Variants in KCNH5 observed in about 807,000 individuals in gnomAD.
KCNH5 encodes the protein potassium voltage-gated channel subfamily H member 5, also known as voltage-gated delayed rectifier potassium channel KCNH5.
A neutral mutation model predicts 96.1 loss-of-function variants in KCNH5; 46 were observed. The observed-to-expected ratio is 0.48, with a 90% CI of 0.38 to 0.61. The LOEUF is 0.61. Among genes scored for constraint, KCNH5 ranks in the 20% least tolerant of loss-of-function variants. The pLI is 0.00. For synonymous variants in KCNH5, 439 were observed against 449.8 expected, an observed-to-expected ratio of 0.98 and a Z score of 0.30; for missense variants, 907 against 1,225.8, an observed-to-expected ratio of 0.74 and a Z score of 3.88.
At chr14:62,781,701 T>C (rs1346644984) in intron 9 of KCNH5, among the ~76,000 whole-genome samples, 1 of 152,158 alleles carries the variant, frequency 6.6e-6, no homozygotes, top group African/African-American at 2.4e-5. Flanking sequence ...GAGGTCAGAG[T>C]TTAAGGTTAT....
chr14:62,762,838 C>T (rs1236333323), intron 10 of KCNH5, among the ~76,000 whole-genome samples: 2 of 151,762 alleles, frequency 1.3e-5, no homozygotes, highest in African/African-American at 2.4e-5. Context: ...AACAAGAAGA[C>T]ATAACTATCC....
chr14:63,021,375 A>T (rs1891423621), intron 1 of KCNH5, among the ~76,000 whole-genome samples: 1 of 152,140 alleles, frequency 6.6e-6, no homozygotes, highest in Non-Finnish European at 1.5e-5. Context: ...TTGTTCCTAA[A>T]GTCTATACTA....
chr14:62,888,755 G>A (rs1888646963), intron 7 of KCNH5, among the ~76,000 whole-genome samples: 2 of 152,094 alleles, frequency 1.3e-5, no homozygotes, highest in Non-Finnish European at 2.9e-5. Flanking sequence ...TAGGATTGCA[G>A]AAAGCCTGTC....
chr14:62,889,017 G>A (rs1888651823), intron 7 of KCNH5, among the ~76,000 whole-genome samples: 2 of 152,166 alleles, frequency 1.3e-5, no homozygotes, highest in African/African-American at 4.8e-5. Context: ...ATATTCTAAT[G>A]GGTGATAACA....
intron 10 of KCNH5, among the ~76,000 whole-genome samples, chr14:62,708,681 T>C (rs1884498346): frequency 1.3e-5 from 2 of 152,140 alleles, no homozygotes; most frequent in South Asian, 4.1e-4. Flanking sequence ...GCTACTTACT[T>C]ACTTAGTTCT....
chr14:62,772,725 T>C (rs936870819), intron 10 of KCNH5, among the ~76,000 whole-genome samples: 1 of 152,070 alleles, frequency 6.6e-6, no homozygotes, highest in African/African-American at 2.4e-5. Flanking sequence ...TACAGCAGTA[T>C]TGACATGTTA....
chr14:62,713,375 A>T (rs1884614548), intron 10 of KCNH5, among the ~76,000 whole-genome samples: 1 of 152,190 alleles, frequency 6.6e-6, no homozygotes, highest in African/African-American at 2.4e-5. Flanking sequence ...AACCTACCCA[A>T]CTACTGAGCA....
chr14:62,830,994 T>A (rs1465965415), intron 8 of KCNH5, among the ~76,000 whole-genome samples: 2 of 152,112 alleles, frequency 1.3e-5, no homozygotes, highest in Non-Finnish European at 2.9e-5. Context: ...TCCCCAGAAG[T>A]GTGGCCTTCC....
intron 7 of KCNH5, among the ~76,000 whole-genome samples, chr14:62,865,663 G>T (rs1888121124): frequency 6.6e-6 from 1 of 152,146 alleles, no homozygotes; most frequent in Admixed American, 6.5e-5. Context: ...CCTTTATGTT[G>T]ACTGGTTCCT....
chr14:62,969,659 A>G (rs1048670498), intron 6 of KCNH5, among the ~76,000 whole-genome samples: 2 of 151,660 alleles, frequency 1.3e-5, no homozygotes, highest in African/African-American at 4.8e-5. Context: ...TACCTAGGTG[A>G]TGGATTGATT....
intron 7 of KCNH5, among the ~76,000 whole-genome samples, chr14:62,916,976 G>C (rs1889287550): frequency 6.6e-6 from 1 of 152,216 alleles, no homozygotes; most frequent in African/African-American, 2.4e-5. Flanking sequence ...TAGAATTCAT[G>C]TGGGAGCTAA....
At position 62,846,539 on chromosome 14, in the gene KCNH5, C is replaced by A. The variant is rs1451112368; in HGVS notation, c.1569+3114G>T. On this transcript the variant is annotated intron_variant, in intron 8 of 10. Coordinates refer to ENST00000322893, the MANE Select transcript of KCNH5 (RefSeq NM_139318.5). ...TTTTTGCATTTAATTCTCAGTTTTT[C>A]TGATATTTATGTTAGGTCATGAGTG... 2.0e-5 allele frequency among the ~76,000 whole-genome samples: 3 copies of A among 151,496 alleles called. No homozygotes were observed. In the East Asian group the frequency reaches 5.8e-4, roughly 29 times the overall value.
chr14:62,733,053 T>C (rs564129246), intron 10 of KCNH5, among the ~76,000 whole-genome samples: 21 of 152,210 alleles, frequency 1.4e-4, no homozygotes, highest in Non-Finnish European at 1.9e-4. Flanking sequence ...ATTACTTACA[T>C]AGGAAAACCA....
At chr14:63,028,868 T>C (rs1444086178) in intron 1 of KCNH5, among the ~76,000 whole-genome samples, 1 of 152,160 alleles carries the variant, frequency 6.6e-6, no homozygotes, top group African/African-American at 2.4e-5. Flanking sequence ...TACCCTAAAG[T>C]ATTTGCTCAC....
chr14:62,796,384 ATTAAG>A (rs1472363933), intron 9 of KCNH5, among the ~76,000 whole-genome samples: 1 of 152,168 alleles, frequency 6.6e-6, no homozygotes, highest in Non-Finnish European at 1.5e-5. Context: ...TCTCTTTCGT[ATTAAG>A]TTGATTTAAT....
At chr14:62,957,053 C>T (rs1440419717) in intron 6 of KCNH5, among the ~76,000 whole-genome samples, 1 of 152,168 alleles carries the variant, frequency 6.6e-6, no homozygotes, top group Non-Finnish European at 1.5e-5. Flanking sequence ...CAGAACACAA[C>T]AGGGTGAATG....
At chr14:62,740,649 G>C (rs1885253175) in intron 10 of KCNH5, among the ~76,000 whole-genome samples, 1 of 151,988 alleles carries the variant, frequency 6.6e-6, no homozygotes, top group Non-Finnish European at 1.5e-5. Flanking sequence ...TTTTTATTAA[G>C]CTTATCTTTC....
At chr14:63,009,919 G>A (rs908296823) in intron 2 of KCNH5, among the ~76,000 whole-genome samples, 7 of 152,240 alleles carry the variant, frequency 4.6e-5, no homozygotes, top group African/African-American at 1.4e-4. Flanking sequence ...ACGGGCTTTA[G>A]AAACCATATA....
chr14:62,706,516 C>CT lies in KCNH5; in HGVS notation c.*991dup. ...AAAAATTTATCTATCTGTTTACATT[C>CT]TTTTTTATTTTATACCATAATAGTT... is the stretch of plus-strand genomic sequence containing the variant. On this transcript the variant is annotated 3_prime_UTR_variant, in exon 11 of 11. Coordinates refer to ENST00000322893, the MANE Select transcript of KCNH5 (RefSeq NM_139318.5). 1 of 151,792 alleles carries CT rather than the reference C, an allele frequency of 6.6e-6. No individual in the cohort carries two copies. Among genetic ancestry groups the CT allele is most frequent in the Admixed American group, 6.6e-5 (1 of 15,238 alleles). 9.4% of individuals were successfully genotyped at this position (151,792 alleles called of 1,614,324 possible).
Sources: gnomAD v4.1 joint callset for allele counts (sites outside exome capture counted in the v4.1 genomes callset) on GRCh38, gnomAD v4.1.1 for gene constraint, MANE v1.5 for transcripts, NCBI Gene and HGNC (gene_info 2026-07-23, HGNC 2026-07-21) for gene names.